Variants in PCDHA7 observed in about 807,000 individuals in gnomAD.
PCDHA7 encodes protocadherin alpha-7.
PCDHA7 carries 37 observed loss-of-function variants against 57.2 expected under a neutral mutation model. The observed-to-expected ratio is 0.65, with a 90% CI of 0.50 to 0.85. PCDHA7 has a LOEUF of 0.85. Among genes scored for constraint, PCDHA7 ranks in the 40% least tolerant of loss-of-function variants. PCDHA7 has a pLI of 0.00. For missense variants in PCDHA7, 1,188 were observed against 1,241.8 expected, an observed-to-expected ratio of 0.96 and a Z score of 0.65; for synonymous variants, 553 against 558.8, an observed-to-expected ratio of 0.99 and a Z score of 0.15.
At chr5:140,870,715 G>T (rs1554164627) in intron 1 of PCDHA7, 2 of 1,613,126 alleles carry the variant, frequency 1.2e-6, no homozygotes, top group East Asian at 2.2e-5. Flanking sequence ...GAGCGCGCGC[G>T]ATGCGGGCGT....
chr5:140,954,225 A>G (rs1554221300), intron 1 of PCDHA7, among the ~76,000 whole-genome samples: 1 of 152,242 alleles, frequency 6.6e-6, no homozygotes, highest in Admixed American at 6.5e-5. Context: ...TGCTATTGTG[A>G]ATAGTGCTGC....
At chr5:140,981,203 C>T (rs2096922514) in intron 2 of PCDHA7, among the ~76,000 whole-genome samples, 1 of 152,212 alleles carries the variant, frequency 6.6e-6, no homozygotes, top group South Asian at 2.1e-4. Flanking sequence ...TCTGTTGCCT[C>T]ATATAACCCC....
intron 1 of PCDHA7, chr5:140,927,555 C>T (rs1554204727): frequency 8.7e-6 from 14 of 1,614,058 alleles, no homozygotes; most frequent in East Asian, 2.2e-5. Flanking sequence ...AAGTCACCAT[C>T]ATTGTGGTGG....
At chr5:141,000,421 A>ATATTT (rs1265241806) in intron 3 of PCDHA7, among the ~76,000 whole-genome samples, 4 of 27,980 alleles carry the variant, frequency 1.4e-4, no homozygotes, top group Non-Finnish European at 1.1e-4. Context: ...ATATATATAT[A>ATATTT]TTTTTTTTTT....
chr5:140,858,391 T>C lies in PCDHA7; in HGVS notation c.2355+21653T>C, dbSNP rs1214576702. On this transcript the variant is annotated intron_variant, in intron 1 of 3. Transcript: ENST00000525929. ...GCCTTCCACCATGCCCAATGGTAGA[T>C]GTGGACGGGGAAGATCAGTCTATTG... is the stretch of plus-strand genomic sequence containing the variant. 12 of 1,577,710 alleles carry C rather than the reference T, an allele frequency of 7.6e-6. 1 individual carries two copies. Among genetic ancestry groups the C allele is most frequent in the African/African-American group, 1.4e-5 (1 of 74,060 alleles).
intron 1 of PCDHA7, among the ~76,000 whole-genome samples, chr5:140,895,900 G>A (rs540029399): frequency 1.3e-3 from 196 of 152,038 alleles, no homozygotes; most frequent in African/African-American, 4.6e-3. Context: ...CAACCTCCGC[G>A]TCCCGGGCTC....
At chr5:141,001,384 A>G (rs1554258149) in intron 3 of PCDHA7, among the ~76,000 whole-genome samples, 1 of 152,204 alleles carries the variant, frequency 6.6e-6, no homozygotes, top group African/African-American at 2.4e-5. Context: ...AGAGCCTAAG[A>G]TCCTACAGAG....
intron 3 of PCDHA7, among the ~76,000 whole-genome samples, chr5:141,000,278 G>A (rs574420053): frequency 6.6e-6 from 1 of 151,194 alleles, no homozygotes; most frequent in South Asian, 2.1e-4. Flanking sequence ...GGGAGGCAGA[G>A]GTGGGAATAT....
rs782733393 is a variant in PCDHA7 at position 140,875,889 on chromosome 5, G to A, written c.2355+39151G>A. The A allele has an allele frequency of 6.2e-6, 10 of 1,614,054 alleles. No homozygotes were observed. The South Asian group carries it at 8.8e-5, about 14-fold the overall frequency. On this transcript the variant is annotated intron_variant, in intron 1 of 3. Coordinates refer to ENST00000525929, the MANE Select transcript of PCDHA7 (RefSeq NM_018910.3). ...CGGTGTTCAGAGAAAGGGAACAAAA[G>A]GTACCTGTTTCTGAATCTGCGCCTC...
chr5:140,929,875 G>A lies in PCDHA7; in HGVS notation c.2356-49074G>A, dbSNP rs1326750420. 4 of 153,064 alleles carry A rather than the reference G, an allele frequency of 2.6e-5. No individual in the cohort carries two copies. The East Asian group carries it at 7.7e-4, about 29-fold the overall frequency. 9.5% of individuals were successfully genotyped at this position (153,064 alleles called of 1,614,324 possible). A position where few individuals can be genotyped will look rare whatever the true frequency, so the allele number is the denominator to read the frequency against. On this transcript the variant is annotated intron_variant, in intron 1 of 3. Transcript: ENST00000525929. ...GAGTCAGAGAAGGCTTTGTGATAGAGATCACAGATTTAGTTGGATCTTTAA... is the reference window on the plus strand; with the variant it reads ...GAGTCAGAGAAGGCTTTGTGATAGAAATCACAGATTTAGTTGGATCTTTAA...
intron 1 of PCDHA7, among the ~76,000 whole-genome samples, chr5:140,906,402 A>G (rs1378425113): frequency 1.3e-5 from 2 of 152,268 alleles, no homozygotes; most frequent in African/African-American, 4.8e-5. Flanking sequence ...AAATTTTCAT[A>G]TGAAGTCAAT....
chr5:140,841,458 G>T (rs2150315915), intron 1 of PCDHA7: 2 of 1,612,756 alleles, frequency 1.2e-6, no homozygotes, highest in African/African-American at 2.7e-5. Flanking sequence ...ACCTTCGTGG[G>T]CCGGATCGCG....
At chr5:140,882,481 C>A in intron 1 of PCDHA7, 1 of 1,614,038 alleles carries the variant, frequency 6.2e-7, no homozygotes, top group Non-Finnish European at 8.5e-7. Flanking sequence ...CCAAAAGACA[C>A]GGGGACCTTC....
intron 1 of PCDHA7, among the ~76,000 whole-genome samples, chr5:140,872,949 C>T (rs547023229): frequency 2.0e-5 from 3 of 152,234 alleles, no homozygotes; most frequent in African/African-American, 2.4e-5. Context: ...TTTCTTTCCA[C>T]GTAGTATCAT....
chr5:140,947,685 G>T (rs553954790), intron 1 of PCDHA7, among the ~76,000 whole-genome samples: 1 of 151,508 alleles, frequency 6.6e-6, no homozygotes, highest in South Asian at 2.1e-4. Flanking sequence ...AATTGTCTCA[G>T]CATGTTCTGT....
chr5:140,852,915 G>T (rs112871977), intron 1 of PCDHA7: 1 of 783,362 alleles, frequency 1.3e-6, no homozygotes, highest in Non-Finnish European at 1.6e-6. Context: ...GTCTCGCTCT[G>T]TTGCCCAGGC....
At position 140,836,020 on chromosome 5, in the gene PCDHA7, G is replaced by A. The variant is rs1267674995; in HGVS notation, c.1637G>A (p.Gly546Asp). The A allele has an allele frequency of 2.5e-6, 4 of 1,613,464 alleles. No individual in the cohort carries two copies. The highest frequency in any genetic ancestry group is 3.3e-5 in the Admixed American group (2 of 60,014). Residue 546 changes from glycine to aspartate, a missense_variant, in exon 1 of 4, where the codon GGC becomes GAC. By Grantham distance (94) the Gly-to-Asp change is moderately conservative. Around this residue, in one of 3 missense-constraint regions of PCDHA7, gnomAD observed 892 missense variants for 788.5 expected, o/e 1.13. Coordinates refer to ENST00000525929, the MANE Select transcript of PCDHA7 (RefSeq NM_018910.3). ...SARDAGVPPL[G>D]SNVTLQVFVL... The stretch of plus-strand genomic sequence containing the variant: ...CGCGATGCGGGCGTGCCGCCTCTGG[G>A]CAGCAACGTGACGCTGCAGGTGTTC...
rs549880473 is a variant in PCDHA7, at chr5:140,972,926, T to C, written c.2356-6023T>C. Among the ~76,000 whole-genome samples the C allele has an allele frequency of 9.2e-5, 14 of 152,264 alleles. No individual in the cohort carries two copies. The East Asian group carries it at 2.7e-3, about 29-fold the overall frequency. On this transcript the variant is annotated intron_variant, in intron 1 of 3. Coordinates refer to ENST00000525929, the MANE Select transcript of PCDHA7 (RefSeq NM_018910.3). ...ATCCACCCGCCTTGGCCTCCCAAAG[T>C]GCTGGGATTACAGATGTGAGCCACC...
At chr5:140,870,638 A>G in intron 1 of PCDHA7, 1 of 1,612,842 alleles carries the variant, frequency 6.2e-7, no homozygotes, top group East Asian at 2.2e-5. Flanking sequence ...GTGCACGCGG[A>G]GAGCGGCAAG....
Sources: gnomAD v4.1 joint callset for allele counts (sites outside exome capture counted in the v4.1 genomes callset) on GRCh38, gnomAD v4.1.1 for gene constraint, gnomAD v4.1.1 regional missense constraint, MANE v1.5 for transcripts, NCBI Gene and HGNC (gene_info 2026-07-23, HGNC 2026-07-21) for gene names.